LRRIQ1: variants seen among roughly 807,000 people sequenced by gnomAD.
The protein encoded by LRRIQ1 is leucine-rich repeat- and IQ domain-containing protein 1.
A neutral mutation model predicts 211.9 loss-of-function variants in LRRIQ1; 210 were observed. That is an observed-to-expected ratio of 0.99 (90% CI 0.89 to 1.11). LRRIQ1 has a LOEUF of 1.11. Among genes scored for constraint, LRRIQ1 ranks in the 50% most tolerant of loss-of-function variants. The pLI is 0.00. For synonymous variants in LRRIQ1, 699 were observed against 650.1 expected (o/e 1.08, Z -1.14); for missense variants, 2,136 against 1,939.5 (o/e 1.10, Z -1.90).
At chr12:85,172,880 G>A (rs1048530881) in intron 24 of LRRIQ1, among the ~76,000 whole-genome samples, 2 of 151,870 alleles carry the variant, frequency 1.3e-5, no homozygotes, top group Non-Finnish European at 2.9e-5. Flanking sequence ...AAGCTGAGGC[G>A]GGTGGATCAC....
At chr12:85,103,702 G>A (rs140949673) in intron 13 of LRRIQ1, among the ~76,000 whole-genome samples, 5 of 151,588 alleles carry the variant, frequency 3.3e-5, no homozygotes, top group African/African-American at 1.2e-4. Flanking sequence ...TTTAAATAGC[G>A]AATACACATG....
chr12:85,100,125 A>G (rs1407468844), intron 13 of LRRIQ1, among the ~76,000 whole-genome samples: 2 of 151,802 alleles, frequency 1.3e-5, no homozygotes, highest in African/African-American at 4.8e-5. Context: ...GCAGTAAGTC[A>G]CGGAGGAATT....
chr12:85,228,111 G>A (rs1213397123), intron 24 of LRRIQ1, among the ~76,000 whole-genome samples: 1 of 152,050 alleles, frequency 6.6e-6, no homozygotes, highest in African/African-American at 2.4e-5. Flanking sequence ...CATAGGCATG[G>A]GCAAGGACTT....
downstream of LRRIQ1, among the ~76,000 whole-genome samples, chr12:85,267,728 C>T (rs929965974): frequency 6.6e-6 from 1 of 151,986 alleles, no homozygotes; most frequent in Admixed American, 6.6e-5. Flanking sequence ...CAGTGTGATA[C>T]ATAGACAAAG....
chr12:85,065,592 T>C (rs149752006), intron 9 of LRRIQ1, among the ~76,000 whole-genome samples, 178 bp downstream of exon 9: 10 of 151,932 alleles, frequency 6.6e-5, no homozygotes, highest in African/African-American at 2.4e-4. Context: ...GTTTATTGGA[T>C]GATACAACCT....
At chr12:85,113,274 A>G (rs749855674) in intron 15 of LRRIQ1, among the ~76,000 whole-genome samples, 5 of 152,178 alleles carry the variant, frequency 3.3e-5, no homozygotes, top group African/African-American at 7.2e-5. Flanking sequence ...TTTAAAGGAC[A>G]TATATTCATT....
intron 6 of LRRIQ1, among the ~76,000 whole-genome samples, chr12:85,050,910 T>C (rs928704273): frequency 2.6e-5 from 4 of 152,332 alleles, no homozygotes; most frequent in Admixed American, 2.6e-4. Flanking sequence ...TTGCATTTGT[T>C]CTCACTCTTG....
intron 20 of LRRIQ1, 43 bp downstream of exon 20, chr12:85,152,412 T>C (rs1213468431): frequency 1.4e-6 from 2 of 1,469,918 alleles, no homozygotes; most frequent in Admixed American, 3.6e-5. Context: ...TCTTTGCTCA[T>C]TTCTTAAGGT....
chr12:85,165,467 CTTTTTTTTTTT>C (rs779566934), intron 24 of LRRIQ1, among the ~76,000 whole-genome samples: 2 of 118,638 alleles, frequency 1.7e-5, no homozygotes, highest in African/African-American at 3.2e-5. Context: ...TGATTTCTTA[CTTTTTTTTTTT>C]TTTTTTTTTT....
chr12:85,154,227 GA>G (rs1038813453), intron 23 of LRRIQ1, 133 bp downstream of exon 23: 30 of 398,554 alleles, frequency 7.5e-5, no homozygotes, highest in East Asian at 2.6e-4. Flanking sequence ...AAGATACTCT[GA>G]AAAAAAATAA....
At chr12:85,131,462 C>T (rs1015643181) in intron 18 of LRRIQ1, among the ~76,000 whole-genome samples, 3 of 152,050 alleles carry the variant, frequency 2.0e-5, no homozygotes, top group African/African-American at 7.2e-5. Flanking sequence ...ATAGCACTTA[C>T]CCTACCCCAC....
chr12:85,056,147 G>T lies in LRRIQ1; in HGVS notation c.1354G>T (p.Asp452Tyr), dbSNP rs1881027070. ...VEESNMKENVDRQTILKESIQ... is the reference protein window; with the variant it reads ...VEESNMKENVYRQTILKESIQ... Reference sequence around the variant, plus strand: ...GGAATCAAATATGAAAGAAAATGTAGATAGACAGACTATATTAAAAGAATC... The same window carrying T: ...GGAATCAAATATGAAAGAAAATGTATATAGACAGACTATATTAAAAGAATC... Residue 452 changes from aspartate to tyrosine, a missense_variant, in exon 8 of 27, where the codon GAT (aspartate) becomes TAT (tyrosine). Asp to Tyr is a radical substitution (Grantham distance 160). Coordinates refer to ENST00000393217, the MANE Select transcript of LRRIQ1 (RefSeq NM_001079910.2). 1.3e-6 allele frequency: 2 copies of T among 1,599,140 alleles called. No homozygotes were observed. The highest frequency in any genetic ancestry group is 2.7e-5 in the African/African-American group (2 of 73,948).
chr12:85,173,114 A>G (rs1352226232), intron 24 of LRRIQ1, among the ~76,000 whole-genome samples: 1 of 152,170 alleles, frequency 6.6e-6, no homozygotes, highest in South Asian at 2.1e-4. Flanking sequence ...TCTCAAAAAC[A>G]ATAAATAAAA....
chr12:85,041,894 A>G (rs1878932716), intron 3 of LRRIQ1, among the ~76,000 whole-genome samples: 1 of 151,890 alleles, frequency 6.6e-6, no homozygotes, highest in African/African-American at 2.4e-5. Context: ...TTTAAGGTAG[A>G]AAGAGAAGCA....
chr12:85,053,147 A>C (rs1051126917), intron 7 of LRRIQ1, among the ~76,000 whole-genome samples: 3 of 152,142 alleles, frequency 2.0e-5, no homozygotes, highest in African/African-American at 4.8e-5. Context: ...ACAGAGAAGA[A>C]AAAAAATTGC....
intron 24 of LRRIQ1, among the ~76,000 whole-genome samples, chr12:85,222,522 A>G (rs967402349): frequency 6.6e-6 from 1 of 152,192 alleles, no homozygotes; most frequent in Non-Finnish European, 1.5e-5. Flanking sequence ...AAAGTCCCCC[A>G]AATTTAGCAT....
At chr12:85,200,934 C>A (rs574272594) in intron 24 of LRRIQ1, among the ~76,000 whole-genome samples, 1 of 152,106 alleles carries the variant, frequency 6.6e-6, no homozygotes, top group African/African-American at 2.4e-5. Context: ...ATCTTCATGC[C>A]TCAGCCTCCC....
chr12:85,114,531 A>T (rs1887431555), intron 15 of LRRIQ1, among the ~76,000 whole-genome samples: 1 of 150,902 alleles, frequency 6.6e-6, no homozygotes, highest in African/African-American at 2.5e-5. Context: ...TTTATTGACT[A>T]AAACATACTT....
chr12:85,115,482 T>C (rs1294300128), intron 15 of LRRIQ1, among the ~76,000 whole-genome samples: 1 of 152,206 alleles, frequency 6.6e-6, no homozygotes, highest in Admixed American at 6.5e-5. Flanking sequence ...AATATCTACA[T>C]TCAAAGGAAT....
Sources: allele counts gnomAD v4.1 joint callset (sites outside exome capture counted in the v4.1 genomes callset), GRCh38; gene constraint gnomAD v4.1.1; transcripts MANE v1.5; gene names NCBI Gene and HGNC (gene_info 2026-07-23, HGNC 2026-07-21).